ANO3: variants seen among roughly 807,000 people sequenced by gnomAD.
ANO3 encodes the protein anoctamin-3.
A neutral mutation model predicts 144.8 loss-of-function variants in ANO3; 99 were observed. That is an observed-to-expected ratio of 0.68 (90% CI 0.58 to 0.81). ANO3 has a LOEUF of 0.81. Ranked by LOEUF, ANO3 falls within the 30% of genes least tolerant of loss-of-function variation. The pLI, the probability that ANO3 is intolerant of heterozygous loss-of-function variation, is 0.00. For missense variants in ANO3, 905 were observed against 1,202.2 expected, an observed-to-expected ratio of 0.75 and a Z score of 3.66; for synonymous variants, 414 against 392.6, an observed-to-expected ratio of 1.05 and a Z score of -0.64.
At chr11:26,582,748 T>C (rs1851168875) in intron 14 of ANO3, among the ~76,000 whole-genome samples, 1 of 152,298 alleles carries the variant, frequency 6.6e-6, no homozygotes, top group African/African-American at 2.4e-5. Flanking sequence ...TTTCAACATA[T>C]ATTAATTAAA....
intron 14 of ANO3, chr11:26,565,175 A>C: frequency 2.0e-6 from 3 of 1,502,624 alleles, no homozygotes; most frequent in Non-Finnish European, 1.8e-6. Context: ...CTTTTTGGGG[A>C]TCTGACGTAT....
chr11:26,250,681 G>A (rs1357295588), intron 1 of ANO3, among the ~76,000 whole-genome samples: 3 of 152,004 alleles, frequency 2.0e-5, no homozygotes, highest in Non-Finnish European at 4.4e-5. Flanking sequence ...TTCTTCTGTG[G>A]GCATTTCACT....
At chr11:26,200,410 ACT>A (rs1344293190) in intron 1 of ANO3, among the ~76,000 whole-genome samples, 1 of 151,990 alleles carries the variant, frequency 6.6e-6, no homozygotes, top group Admixed American at 6.6e-5. Context: ...ATAGTTGGTC[ACT>A]CTATTATAAT....
intron 4 of ANO3, among the ~76,000 whole-genome samples, chr11:26,483,691 C>A (rs1432726012): frequency 2.6e-5 from 4 of 152,044 alleles, no homozygotes; most frequent in Non-Finnish European, 5.9e-5. Flanking sequence ...TATAGCAATG[C>A]AAGAATGAAC....
chr11:26,513,633 A>G (rs1861752508), intron 5 of ANO3, among the ~76,000 whole-genome samples: 1 of 152,288 alleles, frequency 6.6e-6, no homozygotes, highest in Non-Finnish European at 1.5e-5. Context: ...AAAGCGAATG[A>G]GACCTCCATT....
chr11:26,267,095 A>C lies in ANO3; in HGVS notation c.155-42550A>C, dbSNP rs551691884. Among the ~76,000 whole-genome samples the C allele has an allele frequency of 2.1e-3, 309 of 147,184 alleles. 1 individual carries two copies. The highest frequency in any genetic ancestry group is 7.3e-3 in the African/African-American group (298 of 40,952). On this transcript the variant is annotated intron_variant, in intron 1 of 27. Coordinates refer to the ANO3 transcript ENST00000672621. ...TGACAAAGCAAGATTCCGTCAAACA[A>C]ACAAAAAAAAAAAAGAAAAGAAAAG...
At chr11:26,619,768 A>G (rs1177622806) in intron 17 of ANO3, among the ~76,000 whole-genome samples, 2 of 152,182 alleles carry the variant, frequency 1.3e-5, no homozygotes, top group African/African-American at 4.8e-5. Flanking sequence ...CGCCCGGCCA[A>G]AAAACTACAG....
At chr11:26,474,875 C>G (rs189863498) in intron 4 of ANO3, among the ~76,000 whole-genome samples, 3 of 151,760 alleles carry the variant, frequency 2.0e-5, no homozygotes, top group African/African-American at 7.2e-5. Flanking sequence ...ATATAAAAAT[C>G]AGTGATGAGA....
intron 17 of ANO3, among the ~76,000 whole-genome samples, chr11:26,600,355 C>T: frequency 1.3e-5 from 1 of 79,128 alleles, no homozygotes; most frequent in Non-Finnish European, 2.5e-5. Context: ...TTCCTCTCCC[C>T]TCTCCTCTCC....
At chr11:26,459,511 A>ATG (rs1167759825) in intron 3 of ANO3, among the ~76,000 whole-genome samples, 1 of 152,010 alleles carries the variant, frequency 6.6e-6, no homozygotes, top group Non-Finnish European at 1.5e-5. Context: ...CATTTATTGA[A>ATG]TGAACTATGT....
At chr11:26,415,746 C>T (rs760948016) in intron 1 of ANO3, among the ~76,000 whole-genome samples, 9 of 152,080 alleles carry the variant, frequency 5.9e-5, no homozygotes, top group Non-Finnish European at 1.2e-4. Flanking sequence ...CAGCCAGGCA[C>T]ATGTTCTCTT....
intron 1 of ANO3, among the ~76,000 whole-genome samples, chr11:26,341,125 TTTC>T (rs1855348448): frequency 6.7e-6 from 1 of 150,118 alleles, no homozygotes; most frequent in Admixed American, 6.6e-5. Flanking sequence ...TCTCTCTTTC[TTTC>T]TTTTCTTTCT....
intron 1 of ANO3, among the ~76,000 whole-genome samples, chr11:26,240,050 C>G (rs1852626519): frequency 6.6e-6 from 1 of 152,122 alleles, no homozygotes; most frequent in Admixed American, 6.6e-5. Context: ...TAAATTCTAA[C>G]TCAGCCCCAC....
upstream of ANO3, among the ~76,000 whole-genome samples, chr11:26,327,330 A>G (rs531772503): frequency 2.0e-4 from 30 of 152,276 alleles, no homozygotes; most frequent in South Asian, 6.2e-3. Context: ...CATGGTAGAA[A>G]CATTATGAAA....
At chr11:26,338,294 C>T (rs1855247309) in intron 1 of ANO3, among the ~76,000 whole-genome samples, 1 of 152,114 alleles carries the variant, frequency 6.6e-6, no homozygotes, top group African/African-American at 2.4e-5. Context: ...CACCAATTAG[C>T]ACTCTGTGTC....
At chr11:26,262,645 G>T (rs1355074488) in intron 1 of ANO3, among the ~76,000 whole-genome samples, 1 of 152,018 alleles carries the variant, frequency 6.6e-6, no homozygotes, top group Non-Finnish European at 1.5e-5. Context: ...TTGGGAGACA[G>T]TATTAGGACC....
chr11:26,288,427 T>C (rs867529503), intron 1 of ANO3, among the ~76,000 whole-genome samples: 11 of 152,162 alleles, frequency 7.2e-5, no homozygotes, highest in Admixed American at 1.3e-4. Context: ...AAAACCAACA[T>C]ATAGGACAAA....
At chr11:26,627,656 T>A (rs1462465891) in intron 18 of ANO3, among the ~76,000 whole-genome samples, 1 of 152,170 alleles carries the variant, frequency 6.6e-6, no homozygotes, top group East Asian at 1.9e-4. Flanking sequence ...TTATTTGTGC[T>A]AAGTAACAAG....
chr11:26,542,230 A>C (rs1849665503), intron 11 of ANO3, among the ~76,000 whole-genome samples, 162 bp downstream of exon 11: 1 of 152,166 alleles, frequency 6.6e-6, no homozygotes, highest in South Asian at 2.1e-4. Flanking sequence ...GTAATTGGTT[A>C]TACAGGGGAT....
Sources: gnomAD v4.1 joint callset for allele counts (sites outside exome capture counted in the v4.1 genomes callset) on GRCh38, gnomAD v4.1.1 for gene constraint, MANE v1.5 for transcripts, NCBI Gene and HGNC (gene_info 2026-07-23, HGNC 2026-07-21) for gene names.